The following DOCK3 variants were observed in gnomAD, a reference collection of about 807,000 sequenced individuals.
DOCK3 encodes the protein dedicator of cytokinesis protein 3.
Under a neutral mutation model 265.6 loss-of-function variants are expected in DOCK3, and 60 were observed. The ratio of observed to expected loss-of-function variants is 0.23; its 90% CI spans 0.18 to 0.28. The LOEUF (loss-of-function observed/expected upper bound fraction) is 0.28. DOCK3 is among the 10% of genes least tolerant of loss of function. DOCK3 has a pLI of 1.00. For synonymous variants in DOCK3, 881 were observed against 938.0 expected (o/e 0.94, Z 1.11); for missense variants, 1,981 against 2,594.3 (o/e 0.76, Z 5.14).
chr3:51,233,357 T>TTTA (rs2078216265), intron 19 of DOCK3, among the ~76,000 whole-genome samples: 1 of 10,544 alleles, frequency 9.5e-5, no homozygotes, highest in African/African-American at 2.0e-4. Flanking sequence ...TATCTATCTA[T>TTTA]CTATTTATTT....
chr3:51,050,126 G>C (rs575587127), intron 5 of DOCK3, among the ~76,000 whole-genome samples: 2 of 152,144 alleles, frequency 1.3e-5, no homozygotes, highest in African/African-American at 4.8e-5. Context: ...GCTTATACCT[G>C]TAATCCCTGC....
At chr3:50,898,477 C>T (rs1384275306) in intron 4 of DOCK3, 1 of 152,064 alleles carries the variant, frequency 6.6e-6, no homozygotes, top group Admixed American at 6.6e-5. Flanking sequence ...TCTCTATTTC[C>T]TTCAGTTCTG....
At chr3:51,161,316 C>T (rs1392731292) in intron 12 of DOCK3, among the ~76,000 whole-genome samples, 7 of 149,538 alleles carry the variant, frequency 4.7e-5, no homozygotes, top group South Asian at 4.2e-4. Context: ...TGGTGGCGGA[C>T]GCCTATAGTC....
At chr3:50,976,951 G>T (rs1293728530) in intron 5 of DOCK3, among the ~76,000 whole-genome samples, 1 of 148,312 alleles carries the variant, frequency 6.7e-6, no homozygotes, top group Non-Finnish European at 1.5e-5. Flanking sequence ...TTTTATCAGA[G>T]ACTAGGATTG....
intron 1 of DOCK3, among the ~76,000 whole-genome samples, chr3:50,772,567 T>A (rs2675816): frequency 0.094 from 14,356 of 152,124 alleles, 836 homozygotes; most frequent in Non-Finnish European, 0.12. Flanking sequence ...CCATAAGCAT[T>A]TACACCTACT....
intron 22 of DOCK3, among the ~76,000 whole-genome samples, chr3:51,257,804 C>G (rs933276683): frequency 3.9e-5 from 6 of 152,224 alleles, no homozygotes; most frequent in Non-Finnish European, 8.8e-5. Context: ...AAACCTTGAA[C>G]AAATTCCACA....
intron 8 of DOCK3, 141 bp downstream of exon 8, chr3:51,089,425 C>CTA: frequency 1.9e-6 from 2 of 1,043,016 alleles, no homozygotes; most frequent in South Asian, 3.4e-5. Flanking sequence ...GCTTTGACCT[C>CTA]TAAACAGTTT....
intron 5 of DOCK3, among the ~76,000 whole-genome samples, chr3:51,018,589 A>G (rs1224548036): frequency 6.6e-6 from 1 of 151,790 alleles, no homozygotes; most frequent in African/African-American, 2.4e-5. Flanking sequence ...CATATATATA[A>G]TAAGATGTCT....
chr3:51,349,557 C>T (rs188421851), intron 39 of DOCK3, among the ~76,000 whole-genome samples: 92 of 152,288 alleles, frequency 6.0e-4, no homozygotes, highest in Non-Finnish European at 9.1e-4. Context: ...GGGCATGTTC[C>T]TCTAGCAGTG....
At chr3:51,278,372 A>C in intron 26 of DOCK3, 2 of 985,400 alleles carry the variant, frequency 2.0e-6, no homozygotes, top group Non-Finnish European at 2.4e-6. Context: ...TCCAGAGTAG[A>C]CTTACTTCTC....
chr3:51,099,800 A>G (rs575734257), intron 9 of DOCK3, among the ~76,000 whole-genome samples: 15 of 152,320 alleles, frequency 9.8e-5, no homozygotes, highest in African/African-American at 2.9e-4. Context: ...TGAAGGGATA[A>G]GTGTTATGGA....
chr3:50,853,964 C>T (rs1321553272), intron 3 of DOCK3, among the ~76,000 whole-genome samples: 11 of 151,406 alleles, frequency 7.3e-5, no homozygotes, highest in African/African-American at 2.4e-4. Flanking sequence ...TCTGCGTCCT[C>T]GAGAACATCT....
In DOCK3 at chr3:51,276,532, C is replaced by T. The variant is rs191259536; in HGVS notation, c.2677-1076C>T. 1.2e-3 allele frequency: 788 copies of T among 650,504 alleles called. 5 individuals carry two copies. The African/African-American group carries it at 0.015, about 12-fold the overall frequency. The allele number at this position is 650,504 out of a possible 1,614,324, so 40.3% of individuals were successfully genotyped here. On this transcript the variant is annotated intron_variant, in intron 25 of 52. Coordinates refer to ENST00000266037, the MANE Select transcript of DOCK3 (RefSeq NM_004947.5). ...CTTATAACTACCCAAAGATACATCACTGGTAAGTGTTATGATCAGTTCGAC... is the reference window on the plus strand; with the variant it reads ...CTTATAACTACCCAAAGATACATCATTGGTAAGTGTTATGATCAGTTCGAC...
At chr3:51,337,656 C>T (rs1382543850) in intron 35 of DOCK3, among the ~76,000 whole-genome samples, 1 of 152,198 alleles carries the variant, frequency 6.6e-6, no homozygotes, top group African/African-American at 2.4e-5. Context: ...TGCCAGGCTT[C>T]TGCTCCTTTC....
At chr3:50,797,185 G>C (rs1380281153) in intron 2 of DOCK3, among the ~76,000 whole-genome samples, 2 of 152,186 alleles carry the variant, frequency 1.3e-5, no homozygotes, top group African/African-American at 4.8e-5. Flanking sequence ...TGGAAGAGGC[G>C]GTATGGCTGG....
chr3:50,793,589 C>A (rs776597839), intron 2 of DOCK3, among the ~76,000 whole-genome samples: 7 of 152,032 alleles, frequency 4.6e-5, no homozygotes, highest in Non-Finnish European at 1.0e-4. Flanking sequence ...AACTCCTGAT[C>A]TCACGTGATC....
intron 1 of DOCK3, among the ~76,000 whole-genome samples, chr3:50,698,962 T>C (rs924049921): frequency 6.6e-6 from 1 of 152,200 alleles, no homozygotes; most frequent in East Asian, 1.9e-4. Context: ...CTTTTTCACT[T>C]CGTTGGTAGT....
In DOCK3 at chr3:51,016,157, CAT is replaced by C. The variant is rs1232616508; in HGVS notation, c.316-48286_316-48285del. ...ATATATTTCTACATATGATATATATCATATATTTCTACATATGATATATATCA... is the reference window on the plus strand; with the variant it reads ...ATATATTTCTACATATGATATATATCATATTTCTACATATGATATATATCA... On this transcript the variant is annotated intron_variant, in intron 5 of 52. Coordinates refer to ENST00000266037, the MANE Select transcript of DOCK3 (RefSeq NM_004947.5). Among the ~76,000 whole-genome samples, 2 of 14,430 alleles carry C rather than the reference CAT, an allele frequency of 1.4e-4. 1 individual carries two copies. Among genetic ancestry groups the C allele is most frequent in the Non-Finnish European group, 2.1e-4 (2 of 9,394 alleles). 9.5% of individuals were successfully genotyped at this position (14,430 alleles called of 152,430 possible).
Position 51,365,089 on chromosome 3 carries a change from C to T in DOCK3, c.5293+2415C>T, listed in dbSNP as rs543334358. Among the ~76,000 whole-genome samples the T allele has an allele frequency of 4.3e-4, 66 of 152,262 alleles. 1 individual carries two copies. Among genetic ancestry groups the T allele is most frequent in the Non-Finnish European group, 7.4e-5 (5 of 68,022 alleles). On this transcript the variant is annotated intron_variant, in intron 49 of 52. Coordinates refer to ENST00000266037, the MANE Select transcript of DOCK3 (RefSeq NM_004947.5). ...TACCTTGGCAGTATGGCCATTTTCA[C>T]GATACTGATTCTTCCTATCCATGAG...
Sources: allele counts gnomAD v4.1 joint callset (sites outside exome capture counted in the v4.1 genomes callset), GRCh38; gene constraint gnomAD v4.1.1; transcripts MANE v1.5; gene names NCBI Gene and HGNC (gene_info 2026-07-23, HGNC 2026-07-21).